The following TNFRSF10A variants were observed in gnomAD, a reference collection of about 807,000 sequenced individuals.
The protein encoded by TNFRSF10A is TNF receptor superfamily member 10a.
A neutral mutation model predicts 42.8 loss-of-function variants in TNFRSF10A; 44 were observed. The ratio of observed to expected loss-of-function variants is 1.03; its 90% CI spans 0.81 to 1.32. The LOEUF (loss-of-function observed/expected upper bound fraction) is 1.32. TNFRSF10A is among the 40% of genes most tolerant of loss of function. The pLI, the probability that TNFRSF10A is intolerant of heterozygous loss-of-function variation, is 0.00. For missense variants in TNFRSF10A, 680 were observed against 602.0 expected, an observed-to-expected ratio of 1.13 and a Z score of -1.36; for synonymous variants, 259 against 234.2, an observed-to-expected ratio of 1.11 and a Z score of -0.97.
At position 23,196,308 on chromosome 8, in the gene TNFRSF10A, C is replaced by T. The variant is rs61507031; in HGVS notation, c.1087+824G>A. 1.5e-3 allele frequency among the ~76,000 whole-genome samples: 221 copies of T among 152,250 alleles called. 1 individual carries two copies. The highest frequency in any genetic ancestry group is 4.9e-3 in the African/African-American group (205 of 41,526). On this transcript the variant is annotated intron_variant, in intron 9 of 9. Coordinates refer to ENST00000221132, the MANE Select transcript of TNFRSF10A (RefSeq NM_003844.4). ...TCCCGGGTTCATGCCATTCTCCTGC[C>T]TCAGCCTCCCGAATAGCTGGGACTA...
intron 1 of TNFRSF10A, among the ~76,000 whole-genome samples, chr8:23,217,286 G>A (rs2128851431): frequency 6.6e-6 from 1 of 151,888 alleles, no homozygotes; most frequent in South Asian, 2.1e-4. Context: ...CACAATCTCT[G>A]CTCACTGCAA....
chr8:23,203,324 A>T (rs1174587939), intron 2 of TNFRSF10A, among the ~76,000 whole-genome samples: 1 of 152,202 alleles, frequency 6.6e-6, no homozygotes, highest in African/African-American at 2.4e-5. Flanking sequence ...GCGCAGAAAC[A>T]ATACAGCGAT....
intron 1 of TNFRSF10A, among the ~76,000 whole-genome samples, chr8:23,218,291 T>A (rs567211921): frequency 2.6e-5 from 4 of 152,258 alleles, no homozygotes; most frequent in African/African-American, 9.6e-5. Flanking sequence ...CCAGGGGGTT[T>A]CCTTGCCTTG....
At chr8:23,219,650 C>G (rs7814465) in intron 1 of TNFRSF10A, among the ~76,000 whole-genome samples, 38,525 of 152,076 alleles carry the variant, frequency 0.25, 5,434 homozygotes, top group East Asian at 0.68. Flanking sequence ...AGGTGAGAGG[C>G]GCAGCCTAAG....
Position 23,200,675 on chromosome 8 carries a change from T to C in TNFRSF10A, c.703+12A>G, listed in dbSNP as rs4872077. ...TCCTCTGCAGCTGGGGCTTCCCCAG[T>C]GGGCTTTGTACCTGATTCTTTGTGG... On this transcript the variant is annotated intron_variant, in intron 5 of 9. Coordinates refer to ENST00000221132, the MANE Select transcript of TNFRSF10A (RefSeq NM_003844.4). 0.29 allele frequency: 474,143 copies of C among 1,609,744 alleles called. 71,866 individuals carry two copies. The highest frequency in any genetic ancestry group is 0.37 in the Admixed American group (22,393 of 59,912).
At chr8:23,205,711 CTTTT>C (rs35059862) in intron 2 of TNFRSF10A, among the ~76,000 whole-genome samples, 3 of 130,860 alleles carry the variant, frequency 2.3e-5, no homozygotes, top group East Asian at 2.3e-4. Context: ...GTCTGTGTTT[CTTTT>C]TTTTTTTTTT....
chr8:23,197,400 C>T, intron 8 of TNFRSF10A, 196 bp from the exon 9 acceptor site: 1 of 615,560 alleles, frequency 1.6e-6, no homozygotes, highest in Non-Finnish European at 2.9e-6. Context: ...CTCAGCTCCA[C>T]CCGGTCAGAT....
chr8:23,209,499 C>A (rs1294225856), intron 2 of TNFRSF10A, among the ~76,000 whole-genome samples: 1 of 152,230 alleles, frequency 6.6e-6, no homozygotes, highest in Non-Finnish European at 1.5e-5. Context: ...CTATACCTTG[C>A]AATGCCACAG....
chr8:23,197,674 G>C (rs1431454099), intron 8 of TNFRSF10A, among the ~76,000 whole-genome samples: 2 of 152,144 alleles, frequency 1.3e-5, no homozygotes, highest in Non-Finnish European at 2.9e-5. Context: ...AACGTAATGT[G>C]CTTGAATCAT....
intron 8 of TNFRSF10A, among the ~76,000 whole-genome samples, chr8:23,198,611 C>CA (rs1247080491): frequency 2.0e-5 from 3 of 148,292 alleles, no homozygotes; most frequent in African/African-American, 7.5e-5. Flanking sequence ...TCCTAAATAG[C>CA]AAAAAAAAGA....
intron 9 of TNFRSF10A, among the ~76,000 whole-genome samples, chr8:23,196,707 G>C (rs1471817480): frequency 6.6e-6 from 1 of 152,152 alleles, no homozygotes; most frequent in Non-Finnish European, 1.5e-5. Context: ...AAAATAATGA[G>C]TGGAATATTT....
intron 2 of TNFRSF10A, chr8:23,207,372 T>C: frequency 1.8e-6 from 1 of 569,420 alleles, no homozygotes; most frequent in South Asian, 1.4e-5. Context: ...TCATCTAAAC[T>C]GAATCCAGCT....
intron 1 of TNFRSF10A, among the ~76,000 whole-genome samples, chr8:23,222,556 C>T (rs911638448): frequency 6.6e-6 from 1 of 152,128 alleles, no homozygotes; most frequent in Non-Finnish European, 1.5e-5. Flanking sequence ...GTTCTTCAGT[C>T]AGAATTTTAA....
At chr8:23,212,258 A>C in intron 1 of TNFRSF10A, 46 bp from the exon 2 acceptor site, 4 of 1,517,260 alleles carry the variant, frequency 2.6e-6, no homozygotes, top group Non-Finnish European at 3.7e-6. Context: ...TCCAGATCTC[A>C]CCCATTACAA....
intron 1 of TNFRSF10A, among the ~76,000 whole-genome samples, chr8:23,221,634 C>T (rs540722209): frequency 1.8e-3 from 269 of 152,268 alleles, no homozygotes; most frequent in Non-Finnish European, 3.2e-3. Flanking sequence ...TGGCCCCAGC[C>T]GACCACAGTT....
chr8:23,207,405 A>G, intron 2 of TNFRSF10A: 1 of 525,030 alleles, frequency 1.9e-6, no homozygotes, highest in Non-Finnish European at 3.7e-6. Flanking sequence ...ATACATGTAT[A>G]TGTTTTCACC....
intron 2 of TNFRSF10A, among the ~76,000 whole-genome samples, chr8:23,205,375 C>A (rs182568585): frequency 6.6e-6 from 1 of 151,990 alleles, no homozygotes; most frequent in Non-Finnish European, 1.5e-5. Context: ...TGTAAACAAA[C>A]CTACTTCACT....
chr8:23,206,808 A>G (rs1318120113), intron 2 of TNFRSF10A: 1 of 155,416 alleles, frequency 6.4e-6, no homozygotes, highest in Admixed American at 6.5e-5. Flanking sequence ...AAAGACACAA[A>G]CTACTGAAAC....
intron 2 of TNFRSF10A, chr8:23,207,513 A>T (rs1220614846): frequency 5.8e-6 from 2 of 342,580 alleles, no homozygotes; most frequent in East Asian, 1.5e-4. Flanking sequence ...CTTTTTAAAG[A>T]CAGCAGAGGA....
Sources: gnomAD v4.1 joint callset for allele counts (sites outside exome capture counted in the v4.1 genomes callset) on GRCh38, gnomAD v4.1.1 for gene constraint, MANE v1.5 for transcripts, NCBI Gene and HGNC (gene_info 2026-07-23, HGNC 2026-07-21) for gene names.